GDAP1: variants seen among roughly 807,000 people sequenced by gnomAD.
GDAP1 encodes the protein ganglioside induced differentiation associated protein 1, also known as ganglioside-induced differentiation-associated protein 1.
A neutral mutation model predicts 40.1 loss-of-function variants in GDAP1; 34 were observed. The ratio of observed to expected loss-of-function variants is 0.85; its 90% confidence interval spans 0.64 to 1.13. The LOEUF (loss-of-function observed/expected upper bound fraction) is 1.13. Ranked by LOEUF, GDAP1 falls within the 50% of genes most tolerant of loss-of-function variation. The probability of loss-of-function intolerance (pLI) is 0.00; values close to 1 mark genes in which losing one functional copy is unlikely to be tolerated. For missense variants in GDAP1, 374 were observed against 433.7 expected (o/e 0.86, Z 1.22); for synonymous variants, 170 against 157.4 (o/e 1.08, Z -0.60).
chr8:74,384,736 A>G (rs939235320), intron 2 of GDAP1, among the ~76,000 whole-genome samples: 1 of 152,222 alleles, frequency 6.6e-6, no homozygotes, highest in African/African-American at 2.4e-5. Context: ...CACTGTAAGA[A>G]GTTGATCTCT....
intron 2 of GDAP1, among the ~76,000 whole-genome samples, chr8:74,422,159 CTTCT>C (rs981620206): frequency 7.9e-5 from 12 of 151,618 alleles, no homozygotes; most frequent in South Asian, 4.2e-4. Context: ...TCTTCATTTT[CTTCT>C]TTCTTTCTTT....
At chr8:74,425,754 T>G (rs1805939822) in intron 2 of GDAP1, among the ~76,000 whole-genome samples, 1 of 152,240 alleles carries the variant, frequency 6.6e-6, no homozygotes, top group Non-Finnish European at 1.5e-5. Context: ...ATTGGTCAAG[T>G]GTTAGCTAAC....
chr8:74,438,395 G>A (rs935003816), intron 2 of GDAP1, among the ~76,000 whole-genome samples: 13 of 152,176 alleles, frequency 8.5e-5, no homozygotes, highest in African/African-American at 2.9e-4. Flanking sequence ...ATGAGAATTT[G>A]ACTTGTCCAA....
chr8:74,408,570 C>T (rs1327907779), intron 2 of GDAP1, among the ~76,000 whole-genome samples: 1 of 150,058 alleles, frequency 6.7e-6, no homozygotes, highest in Non-Finnish European at 1.5e-5. Flanking sequence ...AACACATCCT[C>T]ACCAGATACT....
In GDAP1 at chr8:74,366,741, T is replaced by C. The variant is rs989925860; in HGVS notation, c.*2374T>C. 3 of 453,378 alleles carry C rather than the reference T, an allele frequency of 6.6e-6. No individual in the cohort carries two copies. Among genetic ancestry groups the C allele is most frequent in the Admixed American group, 2.4e-5 (1 of 42,468 alleles). 28.1% of individuals were successfully genotyped at this position (453,378 alleles called of 1,614,324 possible). On this transcript the variant is annotated 3_prime_UTR_variant, in exon 6 of 6. Coordinates refer to ENST00000220822, the MANE Select transcript of GDAP1 (RefSeq NM_018972.4). The stretch of plus-strand genomic sequence containing the variant: ...TTGCGGATAGTCATAAATTGCTTGC[T>C]CAATTTTTAGTAATTATTGCTGTTG...
intron 2 of GDAP1, among the ~76,000 whole-genome samples, chr8:74,355,104 G>A (rs1173586798): frequency 6.6e-6 from 1 of 152,014 alleles, no homozygotes; most frequent in Non-Finnish European, 1.5e-5. Flanking sequence ...TGGTAGTTTG[G>A]TAGCTGAGGT....
At chr8:74,475,533 A>G (rs779110563) in intron 2 of GDAP1, among the ~76,000 whole-genome samples, 4 of 152,088 alleles carry the variant, frequency 2.6e-5, no homozygotes, top group African/African-American at 9.7e-5. Flanking sequence ...CCTTAATCTC[A>G]TTATTTATCT....
rs553081294 is a variant in GDAP1 at position 74,378,886 on chromosome 8, C to G, written c.165+27565C>G. Among the ~76,000 whole-genome samples the G allele has an allele frequency of 3.9e-4, 60 of 152,276 alleles. 2 individuals carry two copies. In the Middle Eastern group the frequency reaches 0.01, roughly 26 times the overall value. On this transcript the variant is annotated intron_variant, in intron 2 of 2. Transcript: ENST00000523640. ...GAGTACATACTAGCAGCATGATCTACCCTTGACAGGAAAGACTTAGGGAAG... is the reference window on the plus strand; with the variant it reads ...GAGTACATACTAGCAGCATGATCTAGCCTTGACAGGAAAGACTTAGGGAAG...
intron 4 of GDAP1, 118 bp from the exon 5 acceptor site, chr8:74,362,821 T>C: frequency 1.9e-6 from 1 of 517,796 alleles, no homozygotes; most frequent in South Asian, 2.3e-5. Context: ...TTTTTCTATT[T>C]CTTCTCGTTG....
At chr8:74,442,407 A>G (rs77402331) in intron 2 of GDAP1, among the ~76,000 whole-genome samples, 1 of 152,210 alleles carries the variant, frequency 6.6e-6, no homozygotes, top group African/African-American at 2.4e-5. Context: ...CTGATATTGA[A>G]CTTCCGACAC....
intron 2 of GDAP1, among the ~76,000 whole-genome samples, chr8:74,486,404 T>C (rs1806776726): frequency 1.3e-5 from 2 of 152,210 alleles, no homozygotes; most frequent in Admixed American, 1.3e-4. Flanking sequence ...CCTTCACATG[T>C]CTAGCTCTCC....
At chr8:74,458,308 A>G (rs1402045642) in intron 2 of GDAP1, among the ~76,000 whole-genome samples, 2 of 152,156 alleles carry the variant, frequency 1.3e-5, no homozygotes, top group African/African-American at 4.8e-5. Flanking sequence ...TCTTTAAGCT[A>G]TGAGTAAATG....
intron 2 of GDAP1, among the ~76,000 whole-genome samples, chr8:74,399,490 CA>C (rs1462034530): frequency 6.8e-6 from 1 of 148,134 alleles, no homozygotes; most frequent in Non-Finnish European, 1.5e-5. Context: ...TTGATCCTTT[CA>C]AAAAACCAGC....
intron 2 of GDAP1, among the ~76,000 whole-genome samples, chr8:74,392,747 A>G (rs187776448): frequency 4.7e-4 from 71 of 152,304 alleles, no homozygotes; most frequent in African/African-American, 1.6e-3. Flanking sequence ...TGCCATAGAG[A>G]GGGCAACACA....
chr8:74,401,679 G>A (rs1048134319), intron 2 of GDAP1, among the ~76,000 whole-genome samples: 1 of 149,642 alleles, frequency 6.7e-6, no homozygotes, highest in African/African-American at 2.6e-5. Context: ...CCCCATCTTT[G>A]TGGTTTTATC....
intron 2 of GDAP1, among the ~76,000 whole-genome samples, chr8:74,401,600 A>G (rs990670795): frequency 5.8e-5 from 8 of 139,058 alleles, no homozygotes; most frequent in Non-Finnish European, 7.8e-5. Context: ...TGGTGAGGAA[A>G]TGCGTTCCTT....
intron 2 of GDAP1, among the ~76,000 whole-genome samples, chr8:74,428,305 T>C (rs910981567): frequency 2.0e-4 from 30 of 151,908 alleles, no homozygotes; most frequent in African/African-American, 7.3e-4. Flanking sequence ...AATGAAAAAA[T>C]CATCATGATC....
chr8:74,444,337 T>G (rs1806204168), intron 2 of GDAP1, among the ~76,000 whole-genome samples: 1 of 152,074 alleles, frequency 6.6e-6, no homozygotes, highest in African/African-American at 2.4e-5. Context: ...ATTCGGCATA[T>G]TTCAGTCTTT....
chr8:74,472,869 T>G (rs1806577521), intron 2 of GDAP1, among the ~76,000 whole-genome samples: 1 of 152,046 alleles, frequency 6.6e-6, no homozygotes, highest in African/African-American at 2.4e-5. Context: ...CTCCTCAGCC[T>G]CCCAAGTGGC....
Sources: allele counts gnomAD v4.1 joint callset (sites outside exome capture counted in the v4.1 genomes callset), GRCh38; gene constraint gnomAD v4.1.1; transcripts MANE v1.5; gene names NCBI Gene and HGNC (gene_info 2026-07-23, HGNC 2026-07-21).